Variants in CNTN5 observed in about 807,000 individuals in gnomAD.
The protein encoded by CNTN5 is contactin-5.
A neutral mutation model predicts 129.1 loss-of-function variants in CNTN5; 77 were observed. The observed-to-expected ratio is 0.60, with a 90% CI of 0.50 to 0.72. The LOEUF (loss-of-function observed/expected upper bound fraction) is 0.72. CNTN5 is among the 30% of genes least tolerant of loss of function. The pLI is 0.00. For synonymous variants in CNTN5, 509 were observed against 465.6 expected, an observed-to-expected ratio of 1.09 and a Z score of -1.20; for missense variants, 1,478 against 1,328.8, an observed-to-expected ratio of 1.11 and a Z score of -1.75.
At chr11:99,693,357 T>A (rs2134802876) in intron 3 of CNTN5, among the ~76,000 whole-genome samples, 1 of 152,244 alleles carries the variant, frequency 6.6e-6, no homozygotes, top group African/African-American at 2.4e-5. Context: ...TAGAGTTTGT[T>A]TTTAAAACAA....
chr11:99,031,872 C>T (rs1863398534), intron 1 of CNTN5, among the ~76,000 whole-genome samples: 1 of 149,988 alleles, frequency 6.7e-6, no homozygotes, highest in African/African-American at 2.4e-5. Context: ...CCCATTAACT[C>T]GTCATCTAGC....
chr11:99,338,959 A>ATG (rs1367772867), intron 2 of CNTN5, among the ~76,000 whole-genome samples: 13 of 118,132 alleles, frequency 1.1e-4, no homozygotes, highest in Non-Finnish European at 1.9e-4. Context: ...TGTGATATAT[A>ATG]TGTGTGTGTT....
At chr11:100,326,276 C>T (rs959670322) in intron 21 of CNTN5, among the ~76,000 whole-genome samples, 8 of 151,256 alleles carry the variant, frequency 5.3e-5, no homozygotes, top group African/African-American at 4.9e-5. Flanking sequence ...TAGGTATCTG[C>T]GAAGAAGATA....
intron 20 of CNTN5, among the ~76,000 whole-genome samples, chr11:100,307,109 G>A (rs75886209): frequency 0.012 from 1,782 of 151,630 alleles, 38 homozygotes; most frequent in African/African-American, 0.039. Context: ...ATATAAAAGC[G>A]TTCCAGACAC....
intron 7 of CNTN5, among the ~76,000 whole-genome samples, chr11:99,953,730 A>G (rs1036213274): frequency 6.6e-6 from 1 of 152,192 alleles, no homozygotes; most frequent in Non-Finnish European, 1.5e-5. Context: ...AGATGGAATG[A>G]CCTGCTGGTT....
At chr11:99,545,442 T>A (rs918843338) in intron 2 of CNTN5, among the ~76,000 whole-genome samples, 2 of 152,196 alleles carry the variant, frequency 1.3e-5, no homozygotes, top group African/African-American at 4.8e-5. Context: ...TAATTACTCT[T>A]ACTTAACTGC....
chr11:99,292,522 G>A (rs1161196430), intron 1 of CNTN5, among the ~76,000 whole-genome samples: 1 of 152,116 alleles, frequency 6.6e-6, no homozygotes, highest in South Asian at 2.1e-4. Context: ...TAAATGTGGT[G>A]AAAGTGGGCA....
chr11:100,303,637 C>T (rs75813218), intron 20 of CNTN5, among the ~76,000 whole-genome samples: 2,952 of 151,588 alleles, frequency 0.019, 92 homozygotes, highest in African/African-American at 0.066. Flanking sequence ...ATGTCCTGCT[C>T]ATATATTTAT....
At chr11:100,039,949 G>C (rs965433166) in intron 9 of CNTN5, among the ~76,000 whole-genome samples, 1 of 152,122 alleles carries the variant, frequency 6.6e-6, no homozygotes, top group Non-Finnish European at 1.5e-5. Flanking sequence ...TTGATTGTCT[G>C]AAGCCGTCTT....
chr11:99,157,459 T>C (rs922061698), intron 1 of CNTN5, among the ~76,000 whole-genome samples: 2 of 152,108 alleles, frequency 1.3e-5, no homozygotes, highest in South Asian at 2.1e-4. Context: ...TTTTATCTTT[T>C]TGAGCTCATT....
At chr11:99,455,266 G>A (rs979644584) in intron 2 of CNTN5, among the ~76,000 whole-genome samples, 1 of 151,962 alleles carries the variant, frequency 6.6e-6, no homozygotes, top group African/African-American at 2.4e-5. Flanking sequence ...AGTGACAGTT[G>A]GCAGAAACTA....
intron 1 of CNTN5, among the ~76,000 whole-genome samples, chr11:99,071,403 G>T (rs1237076973): frequency 6.6e-6 from 1 of 151,774 alleles, no homozygotes; most frequent in African/African-American, 2.4e-5. Context: ...TGTCAAAAGA[G>T]TCCACAAAAC....
In CNTN5 at chr11:100,350,819, G is replaced by A. The variant is rs1952393913; in HGVS notation, c.3148G>A (p.Glu1050Lys). 2.5e-6 allele frequency: 4 copies of A among 1,603,298 alleles called. No homozygotes were observed. Residue 1050 changes from glutamate (E) to lysine (K), a missense_variant, in exon 24 of 25, where the codon GAA (glutamate) becomes AAA (lysine). Physicochemically the swap from Glu to Lys is moderately conservative, Grantham distance 56. Transcript: ENST00000524871. ...TATTATTGAAGTTCGAGCATATAGT[G>A]AAGGAGGAGATGGAACAGCTAGTTC... The part of the protein sequence containing the change: ...VYIIEVRAYS[E>K]GGDGTASSQI...
At chr11:100,260,719 G>T (rs4753970) in intron 17 of CNTN5, among the ~76,000 whole-genome samples, 30,482 of 152,096 alleles carry the variant, frequency 0.2, 3,569 homozygotes, top group Non-Finnish European at 0.26. Flanking sequence ...AATATATGCA[G>T]AAAAGGAGTT....
intron 2 of CNTN5, among the ~76,000 whole-genome samples, chr11:99,372,257 A>G (rs764191330): frequency 3.3e-5 from 5 of 152,204 alleles, no homozygotes; most frequent in African/African-American, 7.2e-5. Flanking sequence ...TTACCCATTT[A>G]AAACGGTTCT....
chr11:99,193,332 C>T (rs1297835281), intron 1 of CNTN5, among the ~76,000 whole-genome samples: 2 of 152,072 alleles, frequency 1.3e-5, no homozygotes, highest in Admixed American at 6.6e-5. Flanking sequence ...AATGGAGAGT[C>T]GAAGTTGAAA....
At chr11:99,409,393 G>C (rs573808621) in intron 2 of CNTN5, among the ~76,000 whole-genome samples, 88 of 152,256 alleles carry the variant, frequency 5.8e-4, no homozygotes, top group African/African-American at 2.0e-3. Context: ...GCGTGAACCC[G>C]GGAGATGGAG....
chr11:99,993,170 G>A (rs1317178025), intron 8 of CNTN5, among the ~76,000 whole-genome samples: 1 of 152,138 alleles, frequency 6.6e-6, no homozygotes, highest in East Asian at 1.9e-4. Flanking sequence ...AAACCATGTA[G>A]CCAAGTCAGA....
At chr11:99,375,759 T>C (rs760519235) in intron 2 of CNTN5, among the ~76,000 whole-genome samples, 26 of 152,210 alleles carry the variant, frequency 1.7e-4, no homozygotes, top group Non-Finnish European at 3.4e-4. Flanking sequence ...TAGGGCAATG[T>C]TCCATGTTGG....
Sources: gnomAD v4.1 joint callset for allele counts (sites outside exome capture counted in the v4.1 genomes callset) on GRCh38, gnomAD v4.1.1 for gene constraint, MANE v1.5 for transcripts, NCBI Gene and HGNC (gene_info 2026-07-23, HGNC 2026-07-21) for gene names.